The following GORASP1 variants were observed in gnomAD, a reference collection of about 807,000 sequenced individuals.
GORASP1 encodes golgi reassembly stacking protein 1, also known as Golgi reassembly-stacking protein 1.
A neutral mutation model predicts 37.7 loss-of-function variants in GORASP1; 31 were observed. The observed-to-expected ratio is 0.82, with a 90% confidence interval of 0.62 to 1.11. The LOEUF (loss-of-function observed/expected upper bound fraction) is 1.11. GORASP1 is among the 50% of genes least tolerant of loss of function. GORASP1 has a pLI of 0.00. For missense variants in GORASP1, 476 were observed against 560.7 expected (o/e 0.85, Z 1.53); for synonymous variants, 204 against 224.8 (o/e 0.91, Z 0.83).
chr3:39,107,066 C>G (rs751178094), intron 1 of GORASP1: 9 of 464,768 alleles, frequency 1.9e-5, no homozygotes, highest in South Asian at 1.4e-4. Flanking sequence ...CCGGGACTGT[C>G]CTCGGCGTGG....
In GORASP1 at chr3:39,107,505, CGCCT is replaced by C; in HGVS notation, c.33_36del (p.Gly12AlafsTer36). 1 of 1,462,884 alleles carries C rather than the reference CGCCT, an allele frequency of 6.8e-7. No individual in the cohort carries two copies. The highest frequency in any genetic ancestry group is 9.0e-7 in the Non-Finnish European group (1 of 1,116,422). The allele number at this position is 1,462,884 out of a possible 1,614,324, so 90.6% of individuals were successfully genotyped here. ...CCGTGGAGGTGGAAGCCCTCGGCGC[CGCCT>C]GCGGGCTGCTCAGCGCTGACGCCCA... is the stretch of plus-strand genomic sequence containing the variant. On this transcript the variant is annotated frameshift_variant, in exon 1 of 9. Transcript: ENST00000319283. LOFTEE classifies it high-confidence loss of function.
rs1007467602 is a variant in GORASP1, at chr3:39,097,595, T to C, written c.*641A>G. 1 of 151,760 alleles carries C rather than the reference T, an allele frequency of 6.6e-6. No individual in the cohort carries two copies. Among genetic ancestry groups the C allele is most frequent in the African/African-American group, 2.4e-5 (1 of 40,922 alleles). The allele number at this position is 151,760 out of a possible 1,614,324, so 9.4% of individuals were successfully genotyped here. A position where few individuals can be genotyped will look rare whatever the true frequency, so the allele number is the denominator to read the frequency against. ...TTTAGAAGAGATCACTGTTTAAGTTTGGGAGCTAACAGGAGTTGCCACTGG... is the reference window on the plus strand; with the variant it reads ...TTTAGAAGAGATCACTGTTTAAGTTCGGGAGCTAACAGGAGTTGCCACTGG... On this transcript the variant is annotated 3_prime_UTR_variant, in exon 9 of 9. Coordinates refer to ENST00000319283, the MANE Select transcript of GORASP1 (RefSeq NM_031899.4).
chr3:39,098,313 C>T lies in GORASP1; in HGVS notation c.1246G>A (p.Ala416Thr). ...CCAGTATCTAGGCCCTCTGTGCTTGCTGGTTCCTCCTCAGCCTGAGCTTCA... is the reference window on the plus strand; with the variant it reads ...CCAGTATCTAGGCCCTCTGTGCTTGTTGGTTCCTCCTCAGCCTGAGCTTCA... ...LLEAQAEEEP[A>T]STEGLDTGTE... The change falls in exon 9 of 9, where the codon GCA becomes ACA. Residue 416 changes from alanine to threonine, a missense_variant. Transcript: ENST00000319283. This position sits in a 1 kb window ranked among gnomAD's most constrained non-coding sequence, Gnocchi z 4.7. The T allele has an allele frequency of 6.2e-7, 1 of 1,614,230 alleles. No individual in the cohort carries two copies. The highest frequency in any genetic ancestry group is 1.3e-5 in the African/African-American group (1 of 75,062).
Position 39,098,917 on chromosome 3 carries a change from T to C in GORASP1, c.917-24A>G. The C allele has an allele frequency of 6.2e-7, 1 of 1,612,570 alleles. No homozygotes were observed. The highest frequency in any genetic ancestry group is 8.5e-7 in the Non-Finnish European group (1 of 1,179,294). ...GCCTAGGGGAGGGTGGTGCAGTTCTTTGCCAGCAAGAAACCCTGACTGCTG... is the reference window on the plus strand; with the variant it reads ...GCCTAGGGGAGGGTGGTGCAGTTCTCTGCCAGCAAGAAACCCTGACTGCTG... On this transcript the variant is annotated intron_variant, in intron 7 of 8. Coordinates refer to ENST00000319283, the MANE Select transcript of GORASP1 (RefSeq NM_031899.4). This position sits in a 1 kb window ranked among gnomAD's most constrained non-coding sequence, Gnocchi z 4.7.
rs911572858 is a variant in GORASP1, at chr3:39,102,296, C to T, written c.348+382G>A. ...TGGGATCACTATTGTATATGCAGTC[C>T]GTGGTTGACTGAAACGTTGTCATGC... is the stretch of plus-strand genomic sequence containing the variant. On this transcript the variant is annotated intron_variant, in intron 3 of 8. Coordinates refer to ENST00000319283, the MANE Select transcript of GORASP1 (RefSeq NM_031899.4). This position sits in a 1 kb window ranked among gnomAD's most constrained non-coding sequence, Gnocchi z 5.0. Among the ~76,000 whole-genome samples the T allele has an allele frequency of 2.6e-5, 4 of 152,026 alleles. No homozygotes were observed. The highest frequency in any genetic ancestry group is 9.7e-5 in the African/African-American group (4 of 41,344).
In GORASP1 at chr3:39,102,971, T is replaced by C. The variant is rs2035816001; in HGVS notation, c.145-90A>G. 8.2e-7 allele frequency: 1 copy of C among 1,225,298 alleles called. No individual in the cohort carries two copies. The highest frequency in any genetic ancestry group is 1.5e-5 in the African/African-American group (1 of 67,386). 75.9% of individuals were successfully genotyped at this position (1,225,298 alleles called of 1,614,324 possible). A position where few individuals can be genotyped will look rare whatever the true frequency, so the allele number is the denominator to read the frequency against. ...CTGGGCCTGAGATGGGGCAAGGGCC[T>C]TAGTGGGCAGCAGCCCTCAGCAGGG... On this transcript the variant is annotated intron_variant, in intron 2 of 8. Transcript: ENST00000319283. The surrounding 1 kb of genome is among the most constrained non-coding windows in gnomAD (Gnocchi z 5.0).
intron 1 of GORASP1, among the ~76,000 whole-genome samples, chr3:39,106,222 G>A (rs529472146): frequency 3.1e-4 from 47 of 152,278 alleles, no homozygotes; most frequent in African/African-American, 1.1e-3. Flanking sequence ...GCCTGCCAGA[G>A]TAGGAGCTCA....
Position 39,098,876 on chromosome 3 carries a change from C to T in GORASP1, c.934G>A (p.Gly312Arg). ...VMDPGFLDVS[G>R]ISLLDNSNAS... is the part of the protein sequence containing the mutation. ...TTGCTGTTGTCCAAGAGAGAAATTC[C>T]CGACACGTCCAGGAAGCCTAGGGGA... The change falls in exon 8 of 9, where the codon GGA becomes AGA. Residue 312 changes from glycine (G) to arginine (R), a missense_variant. Gly to Arg is a moderately radical substitution (Grantham distance 125). Coordinates refer to ENST00000319283, the MANE Select transcript of GORASP1 (RefSeq NM_031899.4). The surrounding 1 kb of genome is among the most constrained non-coding windows in gnomAD (Gnocchi z 4.7). The T allele has an allele frequency of 6.2e-7, 1 of 1,614,058 alleles. No homozygotes were observed. The highest frequency in any genetic ancestry group is 8.5e-7 in the Non-Finnish European group (1 of 1,179,984).
In GORASP1 at chr3:39,098,510, C is replaced by T. The variant is rs1366689931; in HGVS notation, c.1070-21G>A. On this transcript the variant is annotated intron_variant, in intron 8 of 8. Transcript: ENST00000319283. This position sits in a 1 kb window ranked among gnomAD's most constrained non-coding sequence, Gnocchi z 4.7. ...CTCACCTGCAACACAGAAGATCAGGCTGAGGAGGTCTGCAAGAACCTAGGG... is the reference window on the plus strand; with the variant it reads ...CTCACCTGCAACACAGAAGATCAGGTTGAGGAGGTCTGCAAGAACCTAGGG... 1 of 1,598,962 alleles carries T rather than the reference C, an allele frequency of 6.3e-7. No individual in the cohort carries two copies. The highest frequency in any genetic ancestry group is 1.1e-5 in the South Asian group (1 of 88,492).
Position 39,100,225 on chromosome 3 carries a change from T to C in GORASP1, c.765+80A>G. On this transcript the variant is annotated intron_variant, in intron 6 of 8. Transcript: ENST00000319283. This position sits in a 1 kb window ranked among gnomAD's most constrained non-coding sequence, Gnocchi z 4.6. ...GGGCCTCTCAGATCACAAAGGCCCCTGGTGAGGGTTGCTGATGGCTCCCCA... is the reference window on the plus strand; with the variant it reads ...GGGCCTCTCAGATCACAAAGGCCCCCGGTGAGGGTTGCTGATGGCTCCCCA... 7.9e-7 allele frequency: 1 copy of C among 1,263,042 alleles called. No individual in the cohort carries two copies. The highest frequency in any genetic ancestry group is 1.7e-5 in the Admixed American group (1 of 57,776). 78.2% of individuals were successfully genotyped at this position (1,263,042 alleles called of 1,614,324 possible).
chr3:39,107,425 G>A (rs2036268732), intron 1 of GORASP1, 54 bp downstream of exon 1: 9 of 1,166,264 alleles, frequency 7.7e-6, no homozygotes, highest in Non-Finnish European at 8.7e-6. Context: ...GGACGCCCGG[G>A]CGCGGGGTTG....
intron 1 of GORASP1, among the ~76,000 whole-genome samples, chr3:39,104,127 AC>A (rs1226914582): frequency 6.6e-6 from 1 of 152,094 alleles, no homozygotes; most frequent in Non-Finnish European, 1.5e-5. Context: ...AGAGAAGCAG[AC>A]CCCAGGGGTA....
Position 39,100,861 on chromosome 3 carries a change from G to C in GORASP1, c.452C>G (p.Thr151Arg), listed in dbSNP as rs142236899. 2.0e-5 allele frequency: 32 copies of C among 1,614,054 alleles called. No individual in the cohort carries two copies. The African/African-American group carries it at 3.7e-4, about 19-fold the overall frequency. Residue 151 changes from threonine (T) to arginine (R), a missense_variant, in exon 5 of 9, where the codon ACG (threonine) becomes AGG (arginine). Transcript: ENST00000319283. This position sits in a 1 kb window ranked among gnomAD's most constrained non-coding sequence, Gnocchi z 4.6. ...CTTCCCCTCATGAGACTCGATGAGC[G>C]TAAAGAAGTCCTCGGACTGTGAGAA... ...QILQESEDFF[T>R]LIESHEGKPL... is the part of the protein sequence containing the mutation.
At position 39,103,618 on chromosome 3, in the gene GORASP1, C is replaced by A; in HGVS notation, c.64-65G>T. Reference sequence around the variant, plus strand: ...GGGACTCTCCAAGTAGCCCTCTCCCCCATTTCAGGAACCATCAGCACTCCC... The same window carrying A: ...GGGACTCTCCAAGTAGCCCTCTCCCACATTTCAGGAACCATCAGCACTCCC... On this transcript the variant is annotated intron_variant, in intron 1 of 8. Coordinates refer to ENST00000319283, the MANE Select transcript of GORASP1 (RefSeq NM_031899.4). This position sits in a 1 kb window ranked among gnomAD's most constrained non-coding sequence, Gnocchi z 5.2. 1 of 1,275,794 alleles carries A rather than the reference C, an allele frequency of 7.8e-7. No individual in the cohort carries two copies. Among genetic ancestry groups the A allele is most frequent in the Non-Finnish European group, 1.1e-6 (1 of 902,394 alleles). 79.0% of individuals were successfully genotyped at this position (1,275,794 alleles called of 1,614,324 possible).
chr3:39,103,007 G>A lies in GORASP1; in HGVS notation c.145-126C>T. On this transcript the variant is annotated intron_variant, in intron 2 of 8. Coordinates refer to ENST00000319283, the MANE Select transcript of GORASP1 (RefSeq NM_031899.4). This position sits in a 1 kb window ranked among gnomAD's most constrained non-coding sequence, Gnocchi z 5.2. ...CAGCCCTCAGCAGGGTCACTGTGGGGATGGGCCAAGGTAGTGGATGGGCCA... is the reference window on the plus strand; with the variant it reads ...CAGCCCTCAGCAGGGTCACTGTGGGAATGGGCCAAGGTAGTGGATGGGCCA... 1 of 898,344 alleles carries A rather than the reference G, an allele frequency of 1.1e-6. No individual in the cohort carries two copies. Among genetic ancestry groups the A allele is most frequent in the Non-Finnish European group, 1.8e-6 (1 of 546,312 alleles). 55.6% of individuals were successfully genotyped at this position (898,344 alleles called of 1,614,324 possible). A position where few individuals can be genotyped will look rare whatever the true frequency, so the allele number is the denominator to read the frequency against.
Position 39,105,233 on chromosome 3 carries a change from G to T in GORASP1, c.64-1680C>A, listed in dbSNP as rs7633233. On this transcript the variant is annotated intron_variant, in intron 1 of 8. Transcript: ENST00000319283. This position sits in a 1 kb window ranked among gnomAD's most constrained non-coding sequence, Gnocchi z 5.4. The stretch of plus-strand genomic sequence containing the variant: ...TAATCTATGCTGCTGCCCACTGTAC[G>T]GCTCCCCCTGCAGAAACCACTGCCT... 0.48 allele frequency among the ~76,000 whole-genome samples: 72,751 copies of T among 151,712 alleles called. 21,340 individuals are homozygous for T. The highest frequency in any genetic ancestry group is 0.84 in the African/African-American group (34,632 of 41,354).
chr3:39,099,627 G>A, intron 6 of GORASP1, 124 bp from the exon 7 acceptor site: 4 of 1,068,930 alleles, frequency 3.7e-6, no homozygotes, highest in Non-Finnish European at 5.5e-6. Context: ...CTAAAGGAAG[G>A]AAATGGCCTT....
rs768123536 is a variant in GORASP1, at chr3:39,100,989, G to C, written c.435+27C>G. On this transcript the variant is annotated intron_variant, in intron 4 of 8. Coordinates refer to ENST00000319283, the MANE Select transcript of GORASP1 (RefSeq NM_031899.4). This position sits in a 1 kb window ranked among gnomAD's most constrained non-coding sequence, Gnocchi z 4.6. ...CTTCACACCACATCCAGAGGGTCTGGGGAGGGGCAAATTGCGGGTTCCTCA... is the reference window on the plus strand; with the variant it reads ...CTTCACACCACATCCAGAGGGTCTGCGGAGGGGCAAATTGCGGGTTCCTCA... 31 of 1,613,812 alleles carry C rather than the reference G, an allele frequency of 1.9e-5. No homozygotes were observed. Among genetic ancestry groups the C allele is most frequent in the Non-Finnish European group, 2.6e-5 (31 of 1,179,772 alleles).
rs1048071815 is a variant in GORASP1, at chr3:39,105,222, G to A, written c.64-1669C>T. On this transcript the variant is annotated intron_variant, in intron 1 of 8. Transcript: ENST00000319283. The surrounding 1 kb of genome is among the most constrained non-coding windows in gnomAD (Gnocchi z 5.4). ...CGCAGCTGAAATAATCTATGCTGCT[G>A]CCCACTGTACGGCTCCCCCTGCAGA... Among the ~76,000 whole-genome samples the A allele has an allele frequency of 6.6e-6, 1 of 151,948 alleles. No individual in the cohort carries two copies. The highest frequency in any genetic ancestry group is 6.6e-5 in the Admixed American group (1 of 15,254).
Sources: gnomAD v4.1 joint callset for allele counts (sites outside exome capture counted in the v4.1 genomes callset) on GRCh38, gnomAD v4.1.1 for gene constraint, Gnocchi (gnomAD v3.1) non-coding constraint, MANE v1.5 for transcripts, NCBI Gene and HGNC (gene_info 2026-07-23, HGNC 2026-07-21) for gene names.